PROCR: variants seen among roughly 807,000 people sequenced by gnomAD.
PROCR encodes protein C receptor.
Under a neutral mutation model 24.2 loss-of-function variants are expected in PROCR, and 22 were observed. The ratio of observed to expected loss-of-function variants is 0.91; its 90% CI spans 0.65 to 1.30. The LOEUF (loss-of-function observed/expected upper bound fraction) is 1.30, where lower values mean the gene tolerates loss of function less well. Among genes scored for constraint, PROCR ranks in the 50% most tolerant of loss-of-function variants. PROCR has a pLI of 0.00. For missense variants in PROCR, 288 were observed against 307.7 expected (o/e 0.94, Z 0.48); for synonymous variants, 137 against 139.2 (o/e 0.98, Z 0.11).
chr20:35,188,496 A>G (rs1434646672), intron 1 of PROCR, among the ~76,000 whole-genome samples: 1 of 152,154 alleles, frequency 6.6e-6, no homozygotes, highest in Non-Finnish European at 1.5e-5. Flanking sequence ...ATTACATCTT[A>G]TTTATCTCTG....
chr20:35,198,240 T>C (rs74786956), intron 1 of PROCR, among the ~76,000 whole-genome samples: 61,622 of 150,936 alleles, frequency 0.41, 13,279 homozygotes, highest in East Asian at 0.64. Context: ...TGCAGTGAGC[T>C]GAGATTGTGC....
At chr20:35,177,443 CTTTTTTTTT>C, downstream of PROCR, 5 of 568,518 alleles carry the variant, frequency 8.8e-6, no homozygotes, top group South Asian at 8.8e-5. Context: ...CTCACTCATT[CTTTTTTTTT>C]TTTTTTTTTT....
intron 2 of PROCR, among the ~76,000 whole-genome samples, chr20:35,175,697 G>A (rs1217345934): frequency 6.9e-6 from 1 of 144,082 alleles, no homozygotes; most frequent in East Asian, 2.1e-4. Flanking sequence ...CGATTCTCCT[G>A]CCTCAGCCTC....
intron 1 of PROCR, among the ~76,000 whole-genome samples, chr20:35,214,265 T>G (rs1240886565): frequency 1.3e-5 from 2 of 152,222 alleles, no homozygotes. Context: ...TTTCCGATTA[T>G]TACACAAATA....
chr20:35,201,121 TG>T (rs2060316536), intron 1 of PROCR, among the ~76,000 whole-genome samples: 1 of 151,812 alleles, frequency 6.6e-6, no homozygotes, highest in Non-Finnish European at 1.5e-5. Context: ...GATTTTAAGT[TG>T]ACTGTTAAAA....
chr20:35,213,644 T>A (rs2060370377), intron 1 of PROCR, among the ~76,000 whole-genome samples: 1 of 152,184 alleles, frequency 6.6e-6, no homozygotes, highest in Admixed American at 6.5e-5. Flanking sequence ...CTTATTTTTT[T>A]AGAAGCTCAG....
At chr20:35,176,028 C>T in intron 2 of PROCR, 140 bp from the exon 3 acceptor site, 1 of 989,010 alleles carries the variant, frequency 1.0e-6, no homozygotes, top group South Asian at 1.3e-5. Flanking sequence ...GGCCCTTCTC[C>T]CCATAGTTCC....
chr20:35,203,139 G>C (rs2060325022), intron 1 of PROCR: 1 of 152,176 alleles, frequency 6.6e-6, no homozygotes, highest in African/African-American at 2.4e-5. Flanking sequence ...AGCCGTGCAT[G>C]GTGGCACATG....
downstream of PROCR, among the ~76,000 whole-genome samples, chr20:35,178,519 T>G (rs1233918792): frequency 3.9e-5 from 2 of 50,888 alleles, no homozygotes; most frequent in African/African-American, 1.6e-4. Flanking sequence ...TTTTTTTTTT[T>G]TTTTTTTTTT....
At chr20:35,213,509 T>C (rs2060369939) in intron 1 of PROCR, among the ~76,000 whole-genome samples, 1 of 152,212 alleles carries the variant, frequency 6.6e-6, no homozygotes, top group South Asian at 2.1e-4. Context: ...TCTGCTTTTT[T>C]TTTGGCCATG....
chr20:35,198,745 C>T (rs577761604), intron 1 of PROCR, among the ~76,000 whole-genome samples: 1 of 150,132 alleles, frequency 6.7e-6, no homozygotes, highest in African/African-American at 2.4e-5. Context: ...GATGGAGTCT[C>T]ACTCTGTCAC....
At chr20:35,179,972 A>C (rs533078303), downstream of PROCR, among the ~76,000 whole-genome samples, 1 of 152,212 alleles carries the variant, frequency 6.6e-6, no homozygotes, top group South Asian at 2.1e-4. Context: ...TTGGCCGGGC[A>C]TGATGGTTCA....
At chr20:35,177,529 A>G (rs746858215), downstream of PROCR, among the ~76,000 whole-genome samples, 1 of 145,460 alleles carries the variant, frequency 6.9e-6, no homozygotes, top group African/African-American at 2.6e-5. Context: ...GCTCACTGCA[A>G]CCTCTGCCTC....
intron 1 of PROCR, among the ~76,000 whole-genome samples, chr20:35,214,709 A>G (rs541060876): frequency 6.7e-6 from 1 of 149,276 alleles, no homozygotes; most frequent in East Asian, 2.0e-4. Context: ...AAAAAAAATT[A>G]CAAAAGGCTG....
downstream of PROCR, among the ~76,000 whole-genome samples, chr20:35,178,343 G>A (rs2086041984): frequency 7.3e-6 from 1 of 136,164 alleles, no homozygotes; most frequent in African/African-American, 2.8e-5. Flanking sequence ...GGCAGAGTTT[G>A]CAGTGAGCTG....
chr20:35,194,373 G>C (rs966861056), intron 1 of PROCR, among the ~76,000 whole-genome samples: 1 of 152,158 alleles, frequency 6.6e-6, no homozygotes, highest in African/African-American at 2.4e-5. Flanking sequence ...CTCTTAATAA[G>C]GTAGATAATA....
At chr20:35,194,754 C>T (rs2086201641) in intron 1 of PROCR, among the ~76,000 whole-genome samples, 1 of 147,314 alleles carries the variant, frequency 6.8e-6, no homozygotes, top group Admixed American at 7.0e-5. Flanking sequence ...AACAGCCTAG[C>T]AAAGACTCTG....
intron 1 of PROCR, among the ~76,000 whole-genome samples, chr20:35,172,649 A>C (rs2085962271): frequency 6.6e-6 from 1 of 151,906 alleles, no homozygotes; most frequent in South Asian, 2.1e-4. Context: ...GTGGGGGAAG[A>C]GTGGGGCAGA....
At chr20:35,196,136 T>C (rs962510795) in intron 1 of PROCR, among the ~76,000 whole-genome samples, 1 of 128,986 alleles carries the variant, frequency 7.8e-6, no homozygotes, top group African/African-American at 3.0e-5. Flanking sequence ...GAGCCAGGAT[T>C]GGGCCACTGC....
Sources: allele counts gnomAD v4.1 joint callset (sites outside exome capture counted in the v4.1 genomes callset), GRCh38; gene constraint gnomAD v4.1.1; transcripts MANE v1.5; gene names NCBI Gene and HGNC (gene_info 2026-07-23, HGNC 2026-07-21).